Variants in FANCC observed in about 807,000 individuals in gnomAD.
The protein encoded by FANCC is Fanconi anemia group C protein.
FANCC carries 55 observed loss-of-function variants against 71.3 expected under a neutral mutation model. The ratio of observed to expected loss-of-function variants is 0.77; its 90% CI spans 0.62 to 0.97. The LOEUF is 0.97. Among genes scored for constraint, FANCC ranks in the 50% least tolerant of loss-of-function variants. The pLI is 0.00. For synonymous variants in FANCC, 275 were observed against 244.9 expected, an observed-to-expected ratio of 1.12 and a Z score of -1.15; for missense variants, 678 against 670.9, an observed-to-expected ratio of 1.01 and a Z score of -0.12.
At chr9:95,230,501 G>A (rs1446349010) in intron 4 of FANCC, among the ~76,000 whole-genome samples, 1 of 151,912 alleles carries the variant, frequency 6.6e-6, no homozygotes, top group African/African-American at 2.4e-5. Flanking sequence ...ATGAAGCCGC[G>A]GACTCTCGCA....
chr9:95,158,075 G>C (rs1241579402), intron 6 of FANCC, among the ~76,000 whole-genome samples: 1 of 152,104 alleles, frequency 6.6e-6, no homozygotes, highest in Non-Finnish European at 1.5e-5. Context: ...GCCTATTTGA[G>C]ACGCTACATG....
In FANCC at chr9:95,249,141, C is replaced by T; in HGVS notation, c.151G>A (p.Ala51Thr). The change falls in exon 2 of 15, where the codon GCC becomes ACC. Residue 51 changes from alanine to threonine, a missense_variant. Coordinates refer to ENST00000289081, the MANE Select transcript of FANCC (RefSeq NM_000136.3). ...CCACTACTTACCATCTCTTTCAAGG[C>T]TTCATACATCTTCCTTAGGAACTCC... The part of the protein sequence containing the change: ...FQEFLRKMYE[A>T]LKEMDSNTVI... The T allele has an allele frequency of 1.2e-6, 2 of 1,613,950 alleles. No homozygotes were observed. Among genetic ancestry groups the T allele is most frequent in the Middle Eastern group, 1.7e-4 (1 of 6,060 alleles).
intron 13 of FANCC, chr9:95,110,257 A>AAATT (rs767970609): frequency 4.0e-6 from 4 of 1,008,244 alleles, no homozygotes; most frequent in Non-Finnish European, 4.8e-6. Context: ...ATTTCTTTAT[A>AAATT]CTTCAAAAGT....
intron 4 of FANCC, among the ~76,000 whole-genome samples, chr9:95,205,367 TCATATTTTATATTTTAAAAAACTTGA>T (rs1828059196): frequency 6.6e-6 from 1 of 152,114 alleles, no homozygotes; most frequent in South Asian, 2.1e-4. Context: ...AGCTAAGATG[TCATATTTTATATTTTAAAAAACTTGA>T]CAACTGTCTT....
intron 1 of FANCC, among the ~76,000 whole-genome samples, chr9:95,271,284 G>A (rs1277850169): frequency 1.3e-5 from 2 of 152,190 alleles, no homozygotes; most frequent in African/African-American, 2.4e-5. Context: ...ACATGGCAAA[G>A]GAATGACTAT....
intron 4 of FANCC, among the ~76,000 whole-genome samples, chr9:95,215,329 C>A (rs916763132): frequency 1.1e-3 from 171 of 151,174 alleles, no homozygotes; most frequent in African/African-American, 3.6e-3. Flanking sequence ...TAAGGAGAAA[C>A]AAGAAAGTGA....
chr9:95,150,892 C>G (rs1050963081), intron 6 of FANCC, among the ~76,000 whole-genome samples: 3 of 152,164 alleles, frequency 2.0e-5, no homozygotes, highest in Admixed American at 6.5e-5. Flanking sequence ...TAAGTGAGGT[C>G]TTCTCTGATC....
intron 7 of FANCC, among the ~76,000 whole-genome samples, chr9:95,140,085 C>G (rs1439758450): frequency 6.6e-6 from 1 of 151,968 alleles, no homozygotes; most frequent in East Asian, 1.9e-4. Context: ...CCCCAAATCC[C>G]TACCTAATAA....
At chr9:95,124,814 A>C (rs1162825389) in intron 10 of FANCC, among the ~76,000 whole-genome samples, 1 of 152,182 alleles carries the variant, frequency 6.6e-6, no homozygotes, top group Non-Finnish European at 1.5e-5. Context: ...GGCCAAGAAG[A>C]GCCGTCCTCC....
chr9:95,294,280 CAG>C, intron 1 of FANCC: 1 of 1,583,790 alleles, frequency 6.3e-7, no homozygotes. Context: ...CTCACATATC[CAG>C]ACTCAAACTG....
intron 1 of FANCC, among the ~76,000 whole-genome samples, chr9:95,276,515 T>C (rs1833050877): frequency 6.6e-6 from 1 of 152,204 alleles, no homozygotes; most frequent in Non-Finnish European, 1.5e-5. Context: ...TATTTCTATG[T>C]ATACCTAACC....
chr9:95,255,718 A>G (rs1831614936), intron 1 of FANCC, among the ~76,000 whole-genome samples: 1 of 152,110 alleles, frequency 6.6e-6, no homozygotes, highest in South Asian at 2.1e-4. Flanking sequence ...TGACAGAAGT[A>G]GGCTTCAGAA....
At chr9:95,129,681 T>C (rs923514492) in intron 8 of FANCC, among the ~76,000 whole-genome samples, 1 of 152,242 alleles carries the variant, frequency 6.6e-6, no homozygotes, top group Non-Finnish European at 1.5e-5. Flanking sequence ...CTTCTCCATC[T>C]GGCCTAACAA....
At chr9:95,220,751 G>A (rs1291046771) in intron 4 of FANCC, among the ~76,000 whole-genome samples, 1 of 152,026 alleles carries the variant, frequency 6.6e-6, no homozygotes, top group Non-Finnish European at 1.5e-5. Flanking sequence ...ATAGCATTAG[G>A]AGAAATACCT....
intron 8 of FANCC, among the ~76,000 whole-genome samples, chr9:95,131,827 G>A (rs978745173): frequency 6.6e-6 from 1 of 152,166 alleles, no homozygotes; most frequent in East Asian, 1.9e-4. Flanking sequence ...AGGAGGAGCT[G>A]CATACTGGGA....
chr9:95,247,374 G>A (rs1831051767), intron 3 of FANCC, 58 bp downstream of exon 3: 1 of 1,263,144 alleles, frequency 7.9e-7, no homozygotes, highest in African/African-American at 1.5e-5. Flanking sequence ...GTAAGCCTCT[G>A]TGAAACAATG....
chr9:95,185,736 C>T (rs183523176), intron 4 of FANCC, among the ~76,000 whole-genome samples: 17 of 152,296 alleles, frequency 1.1e-4, no homozygotes, highest in African/African-American at 4.1e-4. Context: ...CTACCTAAGC[C>T]TAAGTGGACA....
At chr9:95,248,779 G>T (rs1010006551) in intron 2 of FANCC, among the ~76,000 whole-genome samples, 1 of 152,064 alleles carries the variant, frequency 6.6e-6, no homozygotes, top group African/African-American at 2.4e-5. Context: ...TGACAAGAGG[G>T]TTGAAGAAGG....
chr9:95,291,611 G>A (rs534084203), intron 1 of FANCC, among the ~76,000 whole-genome samples: 6 of 152,202 alleles, frequency 3.9e-5, no homozygotes, highest in Admixed American at 3.3e-4. Flanking sequence ...GATACCCCAT[G>A]TTCACAGATT....
Sources: gnomAD v4.1 joint callset for allele counts (sites outside exome capture counted in the v4.1 genomes callset) on GRCh38, gnomAD v4.1.1 for gene constraint, MANE v1.5 for transcripts, NCBI Gene and HGNC (gene_info 2026-07-23, HGNC 2026-07-21) for gene names.